Variants in TACC2 observed in about 807,000 individuals in gnomAD.
TACC2 encodes the protein transforming acidic coiled-coil containing protein 2.
TACC2 carries 137 observed loss-of-function variants against 227.3 expected under a neutral mutation model. The ratio of observed to expected loss-of-function variants is 0.60; its 90% CI spans 0.52 to 0.69. The LOEUF (loss-of-function observed/expected upper bound fraction) is 0.69, where lower values mean the gene tolerates loss of function less well. TACC2 is among the 30% of genes least tolerant of loss of function. TACC2 has a pLI of 0.00. For missense variants in TACC2, 3,470 were observed against 3,694.4 expected (o/e 0.94, Z 1.57); for synonymous variants, 1,523 against 1,487.5 (o/e 1.02, Z -0.55).
chr10:122,035,872 G>GTTCAC (rs1960147511), intron 2 of TACC2, among the ~76,000 whole-genome samples: 5 of 151,916 alleles, frequency 3.3e-5, no homozygotes, highest in African/African-American at 1.2e-4. Context: ...GAGTGCAGTA[G>GTTCAC]TGCAATCATA....
intron 19 of TACC2, among the ~76,000 whole-genome samples, chr10:122,246,088 A>G (rs1282165056): frequency 6.6e-6 from 1 of 152,176 alleles, no homozygotes; most frequent in African/African-American, 2.4e-5. Context: ...CTTCAGGGCC[A>G]GTGGTTCTCC....
At chr10:122,006,483 A>T (rs1454889990) in intron 1 of TACC2, among the ~76,000 whole-genome samples, 2 of 106,476 alleles carry the variant, frequency 1.9e-5, no homozygotes, top group East Asian at 2.4e-4. Context: ...AATAAATAAA[A>T]AATAGGATGC....
intron 7 of TACC2, among the ~76,000 whole-genome samples, chr10:122,173,637 T>C (rs2093580676): frequency 6.6e-6 from 1 of 152,224 alleles, no homozygotes; most frequent in African/African-American, 2.4e-5. Context: ...GCCCTGCTGC[T>C]GATGGCCCTG....
chr10:122,089,316 C>T (rs570917856), intron 5 of TACC2, among the ~76,000 whole-genome samples: 2 of 152,274 alleles, frequency 1.3e-5, no homozygotes. Flanking sequence ...TCTCTAGGCA[C>T]CCATTCATCT....
intron 7 of TACC2, among the ~76,000 whole-genome samples, chr10:122,160,773 A>T (rs2092772524): frequency 6.6e-6 from 1 of 152,138 alleles, no homozygotes; most frequent in Non-Finnish European, 1.5e-5. Context: ...CATTTTCTGT[A>T]GGCCGAGTTA....
chr10:122,099,256 C>T (rs1291196189), intron 5 of TACC2, among the ~76,000 whole-genome samples: 3 of 152,330 alleles, frequency 2.0e-5, no homozygotes, highest in Non-Finnish European at 2.9e-5. Context: ...GAAACATACA[C>T]ATGGCCAGAG....
chr10:122,084,723 A>G lies in TACC2; in HGVS notation c.2223A>G (p.Thr741=), dbSNP rs889443017. The change falls in exon 4 of 23, where the codon ACA becomes ACG. Residue 741 remains threonine (T), a synonymous_variant. Coordinates refer to ENST00000369005, the MANE Select transcript of TACC2 (RefSeq NM_206862.4). The stretch of plus-strand genomic sequence containing the variant: ...CCAAAGCCCAGGAAGGTGAGAGCAC[A>G]TTGGAAATAAGGAAGATGGGCAGCT... ...VAPKAQEGES[T]LEIRKMGSCD... 1.9e-6 allele frequency: 3 copies of G among 1,613,498 alleles called. No homozygotes were observed. Among genetic ancestry groups the G allele is most frequent in the African/African-American group, 2.7e-5 (2 of 74,942 alleles).
At chr10:122,071,868 C>T (rs913762543) in intron 3 of TACC2, among the ~76,000 whole-genome samples, 1 of 135,364 alleles carries the variant, frequency 7.4e-6, no homozygotes, top group African/African-American at 2.8e-5. Context: ...GCCTGGGCAA[C>T]AGAGTGAGAC....
In TACC2 at chr10:122,084,044, C is replaced by T. The variant is rs780133425; in HGVS notation, c.1544C>T (p.Pro515Leu). The change falls in exon 4 of 23, where the codon CCC becomes CTC. Residue 515 changes from proline to leucine, a missense_variant. Transcript: ENST00000369005. ...QSHEVQPGVP[P>L]PPLPKEQSHE... The stretch of plus-strand genomic sequence containing the variant: ...CATGAGGTCCAACCAGGAGTACCAC[C>T]CCCTCCTCTTCCCAAGGAGCAAAGC... 4 of 1,613,848 alleles carry T rather than the reference C, an allele frequency of 2.5e-6. No individual in the cohort carries two copies. In the Admixed American group the frequency reaches 6.7e-5, roughly 27 times the overall value.
chr10:122,132,067 A>AGGAGGGAAGGAAGGAAGGAAGG (rs57429902), intron 5 of TACC2, among the ~76,000 whole-genome samples: 1 of 28,812 alleles, frequency 3.5e-5, no homozygotes, highest in African/African-American at 7.8e-5. Flanking sequence ...AAAGAAAGAA[A>AGGAGGGAAGGAAGGAAGGAAGG]AAGAAAGAAA....
intron 3 of TACC2, among the ~76,000 whole-genome samples, chr10:122,061,011 AAAAAAAAAGGGGG>A: frequency 2.2e-5 from 1 of 45,998 alleles, no homozygotes; most frequent in African/African-American, 4.5e-5. Context: ...AAAAAAAAAA[AAAAAAAAAGGGGG>A]GGGGGCCAGG....
intron 3 of TACC2, among the ~76,000 whole-genome samples, chr10:122,057,834 C>A (rs1183829826): frequency 6.6e-6 from 1 of 151,892 alleles, no homozygotes; most frequent in Non-Finnish European, 1.5e-5. Context: ...CTCAAAAAAA[C>A]AAAAACAAAA....
rs774703041 is a variant in TACC2, at chr10:122,085,412, A to C, written c.2912A>C (p.Asp971Ala). Reference sequence around the variant, plus strand: ...CCTCCAGCAGCAGATGTCTTAAAAGACTTTTCTCTTGCAGGGAACTTCAGC... The same window carrying C: ...CCTCCAGCAGCAGATGTCTTAAAAGCCTTTTCTCTTGCAGGGAACTTCAGC... ...VSPPAADVLK[D>A]FSLAGNFSRK... Residue 971 changes from aspartate to alanine, a missense_variant, in exon 4 of 23, where the codon GAC becomes GCC. By Grantham distance (126) the Asp-to-Ala change is moderately radical. Coordinates refer to ENST00000369005, the MANE Select transcript of TACC2 (RefSeq NM_206862.4). 7.4e-6 allele frequency: 12 copies of C among 1,613,806 alleles called. No individual in the cohort carries two copies. In the African/African-American group the frequency reaches 1.3e-4, roughly 18 times the overall value.
intron 4 of TACC2, 135 bp from the exon 5 acceptor site, chr10:122,088,342 CT>C: frequency 4.9e-6 from 4 of 812,922 alleles, no homozygotes; most frequent in South Asian, 3.9e-5. Context: ...TCAGGGGGCC[CT>C]TTTTCCTAGG....
intron 2 of TACC2, among the ~76,000 whole-genome samples, chr10:122,039,054 T>C (rs1280939904): frequency 6.6e-6 from 1 of 152,136 alleles, no homozygotes; most frequent in Non-Finnish European, 1.5e-5. Flanking sequence ...TGGCTCACTG[T>C]AACCTCTGCC....
intron 2 of TACC2, among the ~76,000 whole-genome samples, chr10:122,047,534 G>A (rs552816803): frequency 9.9e-5 from 15 of 152,232 alleles, no homozygotes; most frequent in African/African-American, 3.4e-4. Context: ...CTCGTGTGAG[G>A]AACCATCCCC....
At chr10:122,197,425 C>T (rs1000894264) in intron 8 of TACC2, among the ~76,000 whole-genome samples, 1 of 152,222 alleles carries the variant, frequency 6.6e-6, no homozygotes, top group Non-Finnish European at 1.5e-5. Flanking sequence ...AATGGGATGC[C>T]ACTCTGTTCT....
intron 3 of TACC2, among the ~76,000 whole-genome samples, chr10:122,069,102 C>T (rs997051738): frequency 2.6e-5 from 4 of 152,138 alleles, no homozygotes; most frequent in Admixed American, 6.6e-5. Context: ...GCAGCTGCCT[C>T]GGTCTCCCCA....
chr10:122,180,210 T>C lies in TACC2; in HGVS notation c.5835-14830T>C, dbSNP rs1251682077. ...TTGGGTCTCCTGGCAAACTTTCTCC[T>C]CGTTGCCTGCTTTGTTTTCTTAAAT... On this transcript the variant is annotated intron_variant, in intron 7 of 22. Coordinates refer to ENST00000369005, the MANE Select transcript of TACC2 (RefSeq NM_206862.4). The surrounding 1 kb of genome is among the most constrained non-coding windows in gnomAD (Gnocchi z 4.5). Among the ~76,000 whole-genome samples, 1 of 152,214 alleles carries C rather than the reference T, an allele frequency of 6.6e-6. No individual in the cohort carries two copies. Among genetic ancestry groups the C allele is most frequent in the African/African-American group, 2.4e-5 (1 of 41,446 alleles).
Sources: gnomAD v4.1 joint callset for allele counts (sites outside exome capture counted in the v4.1 genomes callset) on GRCh38, gnomAD v4.1.1 for gene constraint, Gnocchi (gnomAD v3.1) non-coding constraint, MANE v1.5 for transcripts, NCBI Gene and HGNC (gene_info 2026-07-23, HGNC 2026-07-21) for gene names.